The following MGAM variants were observed in gnomAD, a reference collection of about 807,000 sequenced individuals.
The protein encoded by MGAM is alpha-1,4-glucosidase.
In MGAM, 253 loss-of-function variants were observed where a neutral mutation model predicts 358.8. The observed-to-expected ratio is 0.71, with a 90% confidence interval of 0.64 to 0.78. MGAM has a LOEUF of 0.78. Among genes scored for constraint, MGAM ranks in the 30% least tolerant of loss-of-function variants. MGAM has a pLI of 0.00. For missense variants in MGAM, 3,080 were observed against 3,432.6 expected (o/e 0.90, Z 2.57); for synonymous variants, 1,105 against 1,227.1 (o/e 0.90, Z 2.08).
chr7:142,095,520 G>T, intron 63 of MGAM, 45 bp from the exon 64 acceptor site: 1 of 1,611,038 alleles, frequency 6.2e-7, no homozygotes, highest in Non-Finnish European at 8.5e-7. Context: ...AAATCCCCTA[G>T]AAATTCCAGG....
At chr7:141,997,924 G>T (rs2128974685) in intron 1 of MGAM, among the ~76,000 whole-genome samples, 1 of 152,282 alleles carries the variant, frequency 6.6e-6, no homozygotes, top group African/African-American at 2.4e-5. Flanking sequence ...GTTGTTCTTA[G>T]TCTATCTATC....
At chr7:142,088,140 C>G (rs964109046) in intron 57 of MGAM, among the ~76,000 whole-genome samples, 4 of 146,264 alleles carry the variant, frequency 2.7e-5, no homozygotes, top group African/African-American at 9.7e-5. Context: ...GTACTGCAAA[C>G]ACGTGATGCA....
chr7:142,008,557 C>A lies in MGAM; in HGVS notation c.179C>A (p.Pro60Gln). 1 of 1,612,670 alleles carries A rather than the reference C, an allele frequency of 6.2e-7. No individual in the cohort carries two copies. Among genetic ancestry groups the A allele is most frequent in the South Asian group, 1.1e-5 (1 of 91,040 alleles). Residue 60 changes from proline (P) to glutamine (Q), a missense_variant, in exon 3 of 71, where the codon CCA (proline) becomes CAA (glutamine). This residue lies in a region of MGAM where 1,816 missense variants were observed against 1,840.5 expected (regional missense o/e 0.99). Transcript: ENST00000475668. ...GTPDPGTTGT[P>Q]DPGTTGTTHA... ...CCAGATCCTGGGACAACTGGTACCC[C>A]AGATCCTGGAACAACTGGTACCACA...
intron 30 of MGAM, among the ~76,000 whole-genome samples, chr7:142,057,979 A>G (rs780359257): frequency 1.3e-5 from 2 of 152,150 alleles, no homozygotes; most frequent in Non-Finnish European, 2.9e-5. Context: ...TGTCTCTAGG[A>G]ATAGCGTAAC....
At chr7:142,009,282 G>T (rs188479965) in intron 3 of MGAM, among the ~76,000 whole-genome samples, 2 of 152,300 alleles carry the variant, frequency 1.3e-5, no homozygotes, top group East Asian at 3.9e-4. Context: ...AGTGTTTCTA[G>T]ATTATCGGCT....
At chr7:142,048,522 A>G (rs372377934) in intron 22 of MGAM, among the ~76,000 whole-genome samples, 4 of 54,362 alleles carry the variant, frequency 7.4e-5, no homozygotes, top group Non-Finnish European at 2.7e-4. Context: ...CCCAATGTTA[A>G]TGTCTTCCTC....
intron 21 of MGAM, among the ~76,000 whole-genome samples, chr7:142,043,666 T>A (rs1475907163): frequency 6.6e-5 from 8 of 120,810 alleles, no homozygotes; most frequent in African/African-American, 3.1e-4. Context: ...AATACATATA[T>A]TATATATACA....
chr7:142,086,249 C>T lies in MGAM; in HGVS notation c.6668C>T (p.Pro2223Leu). Residue 2223 changes from proline to leucine, a missense_variant, in exon 56 of 71, where the codon CCC becomes CTC. By Grantham distance (98) the Pro-to-Leu change is moderately conservative. Coordinates refer to ENST00000475668, the MANE Select transcript of MGAM (RefSeq NM_001365693.1). ...GCCATTTCTGGCAATGAGACACAGC[C>T]CTATCCTGCCTTCACTCGGGGCGTG... ...DPAISGNETQ[P>L]YPAFTRGVED... 1.3e-6 allele frequency: 2 copies of T among 1,543,544 alleles called. No homozygotes were observed. Among genetic ancestry groups the T allele is most frequent in the Non-Finnish European group, 1.8e-6 (2 of 1,125,610 alleles).
At chr7:142,054,670 G>T (rs1811313371) in intron 26 of MGAM, 84 bp from the exon 27 acceptor site, 1 of 1,415,154 alleles carries the variant, frequency 7.1e-7, no homozygotes, top group Non-Finnish European at 9.6e-7. Flanking sequence ...TCTGAACTTT[G>T]TGTCCAAAAA....
chr7:142,006,919 C>T (rs1286877573), intron 2 of MGAM, among the ~76,000 whole-genome samples: 2 of 151,826 alleles, frequency 1.3e-5, no homozygotes, highest in Non-Finnish European at 2.9e-5. Context: ...CTGCTGTGCG[C>T]TTCATCTTCA....
At chr7:142,056,347 A>G (rs1235379283) in intron 29 of MGAM, among the ~76,000 whole-genome samples, 1 of 152,226 alleles carries the variant, frequency 6.6e-6, no homozygotes, top group Non-Finnish European at 1.5e-5. Context: ...GGTCCCAAAT[A>G]TCCTGGAGGG....
intron 2 of MGAM, among the ~76,000 whole-genome samples, chr7:141,986,883 G>A (rs1161288565): frequency 1.3e-5 from 2 of 152,118 alleles, no homozygotes; most frequent in East Asian, 1.9e-4. Flanking sequence ...GAACTCAATG[G>A]GGATGCCAAA....
At position 142,062,600 on chromosome 7, in the gene MGAM, T is replaced by C. The variant is rs1678588450; in HGVS notation, c.4155T>C (p.Phe1385=). Residue 1385 remains phenylalanine, a synonymous_variant, in exon 35 of 71, where the codon TTT becomes TTC. Transcript: ENST00000475668. ...LYRAYVAFPD[F]FRNSTAKWWK... ...GAGCTTATGTGGCCTTCCCAGACTT[T>C]TTCCGTAATTCAACTGCCAAGTGGT... The C allele has an allele frequency of 6.2e-7, 1 of 1,610,138 alleles. No individual in the cohort carries two copies. Among genetic ancestry groups the C allele is most frequent in the South Asian group, 1.1e-5 (1 of 90,756 alleles).
intron 3 of MGAM, among the ~76,000 whole-genome samples, chr7:142,014,529 C>A (rs1805821443): frequency 1.3e-5 from 2 of 151,794 alleles, no homozygotes; most frequent in Non-Finnish European, 2.9e-5. Flanking sequence ...AATATATAAC[C>A]ATTATCCAGC....
At chr7:142,017,323 A>G (rs1241025379) in intron 3 of MGAM, among the ~76,000 whole-genome samples, 5 of 152,052 alleles carry the variant, frequency 3.3e-5, no homozygotes, top group Non-Finnish European at 7.4e-5. Flanking sequence ...GTGTGCCCTA[A>G]TTCTATTCAT....
intron 31 of MGAM, among the ~76,000 whole-genome samples, 185 bp downstream of exon 31, chr7:142,058,513 G>A (rs1381542526): frequency 2.0e-5 from 3 of 152,220 alleles, no homozygotes; most frequent in Non-Finnish European, 4.4e-5. Flanking sequence ...TTCCAGAGAT[G>A]ACAGCTCAAG....
At position 142,037,102 on chromosome 7, in the gene MGAM, C is replaced by T. The variant is rs527686805; in HGVS notation, c.2231+125C>T. On this transcript the variant is annotated intron_variant, in intron 18 of 70. Coordinates refer to ENST00000475668, the MANE Select transcript of MGAM (RefSeq NM_001365693.1). ...TATTCATATCTATCTGTATCTATAT[C>T]TGTAATCTAGCTATCTATATTCATT... 1.2e-3 allele frequency: 1,109 copies of T among 964,136 alleles called. 25 individuals carry two copies. The South Asian group carries it at 0.017, about 15-fold the overall frequency. The allele number at this position is 964,136 out of a possible 1,614,324, so 59.7% of individuals were successfully genotyped here.
intron 2 of MGAM, among the ~76,000 whole-genome samples, chr7:141,987,430 A>G (rs1803762766): frequency 6.6e-6 from 1 of 152,228 alleles, no homozygotes; most frequent in South Asian, 2.1e-4. Flanking sequence ...TCAGTGCAGT[A>G]TGATTCAGGC....
At chr7:142,088,984 GTATGTATGTATGTATCTATC>G (rs1436397056) in intron 57 of MGAM, among the ~76,000 whole-genome samples, 3 of 90,152 alleles carry the variant, frequency 3.3e-5, no homozygotes, top group African/African-American at 1.1e-4. Flanking sequence ...ATGTATGTAT[GTATGTATGTATGTATCTATC>G]TATCTATCTA....
Sources: gnomAD v4.1 joint callset for allele counts (sites outside exome capture counted in the v4.1 genomes callset) on GRCh38, gnomAD v4.1.1 for gene constraint, gnomAD v4.1.1 regional missense constraint, MANE v1.5 for transcripts, NCBI Gene and HGNC (gene_info 2026-07-23, HGNC 2026-07-21) for gene names.